The following PDE11A variants were observed in gnomAD, a reference collection of about 807,000 sequenced individuals.
The protein encoded by PDE11A is dual 3',5'-cyclic-AMP and -GMP phosphodiesterase 11A.
PDE11A carries 100 observed loss-of-function variants against 100.5 expected under a neutral mutation model. The ratio of observed to expected loss-of-function variants is 1.00; its 90% CI spans 0.85 to 1.18. The LOEUF is 1.18. Ranked by LOEUF, PDE11A falls within the 50% of genes most tolerant of loss-of-function variation. The pLI, the probability that PDE11A is intolerant of heterozygous loss-of-function variation, is 0.00. For synonymous variants in PDE11A, 381 were observed against 420.8 expected (o/e 0.91, Z 1.16); for missense variants, 1,141 against 1,152.6 (o/e 0.99, Z 0.15).
chr2:178,038,868 A>C (rs552765252), intron 1 of PDE11A: 1 of 152,342 alleles, frequency 6.6e-6, no homozygotes, highest in African/African-American at 2.4e-5. Context: ...CAGCGGAACA[A>C]GAAGAACACT....
At position 177,669,535 on chromosome 2, in the gene PDE11A, T is replaced by A; in HGVS notation, c.2520A>T (p.Glu840Asp). The A allele has an allele frequency of 1.4e-6, 2 of 1,477,862 alleles. No homozygotes were observed. The highest frequency in any genetic ancestry group is 1.9e-6 in the Non-Finnish European group (2 of 1,055,952). The allele number at this position is 1,477,862 out of a possible 1,614,324, so 91.5% of individuals were successfully genotyped here. ...VAELVTSEFF[E>D]QGDRERLELK... is the part of the protein sequence containing the mutation. ...GCTCTAATCTCTCCCGATCTCCTTG[T>A]TCGAAGAACTCACTGGTTACAAGTT... Residue 840 changes from glutamate (E) to aspartate (D), a missense_variant, in exon 18 of 20, where the codon GAA (glutamate) becomes GAT (aspartate). Coordinates refer to ENST00000286063, the MANE Select transcript of PDE11A (RefSeq NM_016953.4).
chr2:177,888,707 G>A lies in PDE11A; in HGVS notation c.1302+9351C>T, dbSNP rs143296885. ...GTTCTCAGGATTGTATTTGCAGTGA[G>A]CAAACCTGGGAGATGAAGTAACATC... is the stretch of plus-strand genomic sequence containing the variant. On this transcript the variant is annotated intron_variant, in intron 4 of 19. Coordinates refer to ENST00000286063, the MANE Select transcript of PDE11A (RefSeq NM_016953.4). 100 of 953,090 alleles carry A rather than the reference G, an allele frequency of 1.0e-4. No individual in the cohort carries two copies. In the African/African-American group the frequency reaches 1.8e-3, roughly 17 times the overall value. The allele number at this position is 953,090 out of a possible 1,614,324, so 59.0% of individuals were successfully genotyped here.
chr2:178,054,941 G>A (rs1052943084), intron 1 of PDE11A, among the ~76,000 whole-genome samples: 7 of 152,190 alleles, frequency 4.6e-5, no homozygotes, highest in African/African-American at 1.2e-4. Context: ...ACAGTGTGGC[G>A]ATTCTTCAAG....
intron 10 of PDE11A, among the ~76,000 whole-genome samples, chr2:177,748,956 C>CT (rs1447424634): frequency 2.0e-5 from 3 of 152,110 alleles, no homozygotes; most frequent in African/African-American, 7.2e-5. Flanking sequence ...ACATTGGAAA[C>CT]TGTTTTCTGG....
At chr2:177,639,746 G>C (rs760930439) in intron 19 of PDE11A, among the ~76,000 whole-genome samples, 1 of 152,140 alleles carries the variant, frequency 6.6e-6, no homozygotes, top group Non-Finnish European at 1.5e-5. Context: ...GTGCTTATTA[G>C]TTGACCACAG....
At chr2:177,958,001 G>T (rs750170952) in intron 2 of PDE11A, among the ~76,000 whole-genome samples, 18 of 142,706 alleles carry the variant, frequency 1.3e-4, no homozygotes, top group Admixed American at 2.9e-4. Flanking sequence ...CCAGGTTCAA[G>T]CTATTCCCCT....
chr2:177,897,395 C>T (rs1246411515), intron 4 of PDE11A, among the ~76,000 whole-genome samples: 1 of 152,216 alleles, frequency 6.6e-6, no homozygotes, highest in Admixed American at 6.5e-5. Flanking sequence ...AGATGTTTCC[C>T]TATGGAGCAG....
At chr2:177,923,539 T>C (rs13410185) in intron 2 of PDE11A, among the ~76,000 whole-genome samples, 13,063 of 152,226 alleles carry the variant, frequency 0.086, 533 homozygotes, top group South Asian at 0.1. Flanking sequence ...GTGGTCATTG[T>C]TGACCCAATC....
intron 10 of PDE11A, among the ~76,000 whole-genome samples, chr2:177,738,772 A>G (rs930087296): frequency 6.6e-6 from 1 of 152,198 alleles, no homozygotes; most frequent in East Asian, 1.9e-4. Context: ...CACAGGCATG[A>G]GACAACAATT....
chr2:178,016,203 G>A (rs902034649), intron 1 of PDE11A, among the ~76,000 whole-genome samples: 20 of 132,764 alleles, frequency 1.5e-4, no homozygotes, highest in Non-Finnish European at 6.1e-5. Flanking sequence ...AGGTGGTCTC[G>A]AACTCCTGAC....
intron 1 of PDE11A, among the ~76,000 whole-genome samples, chr2:178,021,667 CAT>C (rs1451379440): frequency 2.0e-5 from 3 of 152,138 alleles, no homozygotes; most frequent in Non-Finnish European, 4.4e-5. Context: ...AGAGGAAACA[CAT>C]AGCATTACGG....
intron 1 of PDE11A, among the ~76,000 whole-genome samples, chr2:178,050,086 G>C (rs1458121115): frequency 3.3e-5 from 5 of 152,140 alleles, no homozygotes; most frequent in Non-Finnish European, 7.4e-5. Flanking sequence ...TAGCCTAACT[G>C]GGAGGCGCCT....
chr2:178,013,999 G>A lies in PDE11A; in HGVS notation c.1071+303C>T, dbSNP rs138686673. 3.6e-3 allele frequency among the ~76,000 whole-genome samples: 544 copies of A among 152,190 alleles called. 3 individuals carry two copies. The highest frequency in any genetic ancestry group is 0.012 in the African/African-American group (499 of 41,536). On this transcript the variant is annotated intron_variant, in intron 2 of 19. Transcript: ENST00000286063. ...TTCTATCTTCCCTTAGGCCATGTGT[G>A]GTGGAGTTGTGATCCTTATCTTACT...
intron 6 of PDE11A, among the ~76,000 whole-genome samples, chr2:177,820,798 G>A (rs1328154547): frequency 6.6e-6 from 1 of 151,660 alleles, no homozygotes; most frequent in African/African-American, 2.4e-5. Flanking sequence ...GTCAAATCTA[G>A]ATACAAAAAA....
rs141713470 is a variant in PDE11A, at chr2:177,859,519, A to G, written c.1367+16340T>C. On this transcript the variant is annotated intron_variant, in intron 5 of 19. Transcript: ENST00000286063. ...AGGACAAATAGATAATTCAACAATA[A>G]TAATAGTGGAGCCTTCAACATCTCA... 1.3e-3 allele frequency among the ~76,000 whole-genome samples: 193 copies of G among 152,092 alleles called. 5 individuals carry two copies. In the East Asian group the frequency reaches 0.033, roughly 26 times the overall value.
At chr2:178,013,306 T>C (rs1441425459) in intron 2 of PDE11A, among the ~76,000 whole-genome samples, 1 of 152,190 alleles carries the variant, frequency 6.6e-6, no homozygotes, top group Non-Finnish European at 1.5e-5. Context: ...TTTTACTTCA[T>C]TGTAAGAAAT....
At chr2:177,761,073 T>A (rs1183640078) in intron 10 of PDE11A, among the ~76,000 whole-genome samples, 1 of 152,162 alleles carries the variant, frequency 6.6e-6, no homozygotes, top group Non-Finnish European at 1.5e-5. Context: ...GGTAGGAGGA[T>A]ACATGAATGA....
In PDE11A at chr2:177,851,610, C is replaced by T. The variant is rs542502624; in HGVS notation, c.1368-11227G>A. The stretch of plus-strand genomic sequence containing the variant: ...TAATAGAGCTGACGCTTAGGATACA[C>T]GGTGGAAGTGGTGAATAAGGCTACT... On this transcript the variant is annotated intron_variant, in intron 5 of 19. Coordinates refer to ENST00000286063, the MANE Select transcript of PDE11A (RefSeq NM_016953.4). Among the ~76,000 whole-genome samples, 61 of 152,230 alleles carry T rather than the reference C, an allele frequency of 4.0e-4. 1 individual carries two copies. The South Asian group carries it at 0.011, about 27-fold the overall frequency.
rs1172541208 is a variant in PDE11A at position 178,072,169 on chromosome 2, C to A, written c.269G>T (p.Gly90Val). ...GSAHSQPLPG[G>V]GDCGGVPLSP... ...CAAGGGAACCCCACCACAGTCCCCGCCACCGGGAAGGGGCTGGCTGTGGGC... is the reference window on the plus strand; with the variant it reads ...CAAGGGAACCCCACCACAGTCCCCGACACCGGGAAGGGGCTGGCTGTGGGC... Residue 90 changes from glycine (G) to valine (V), a missense_variant, in exon 1 of 20, where the codon GGC becomes GTC. Physicochemically the swap from Gly to Val is moderately radical, Grantham distance 109. Coordinates refer to ENST00000286063, the MANE Select transcript of PDE11A (RefSeq NM_016953.4). The A allele has an allele frequency of 1.2e-6, 2 of 1,614,028 alleles. No individual in the cohort carries two copies. The highest frequency in any genetic ancestry group is 2.7e-5 in the African/African-American group (2 of 75,062).
Sources: gnomAD v4.1 joint callset for allele counts (sites outside exome capture counted in the v4.1 genomes callset) on GRCh38, gnomAD v4.1.1 for gene constraint, MANE v1.5 for transcripts, NCBI Gene and HGNC (gene_info 2026-07-23, HGNC 2026-07-21) for gene names.